The following RBPJ variants were observed in gnomAD, a reference collection of about 807,000 sequenced individuals.
The protein encoded by RBPJ is recombining binding protein suppressor of hairless.
In RBPJ, 9 loss-of-function variants were observed where a neutral mutation model predicts 67.8. The observed-to-expected ratio is 0.13, with a 90% CI of 0.08 to 0.23. RBPJ has a LOEUF of 0.23. Ranked by LOEUF, RBPJ falls within the 10% of genes least tolerant of loss-of-function variation. The pLI, the probability that RBPJ is intolerant of heterozygous loss-of-function variation, is 1.00. For missense variants in RBPJ, 305 were observed against 595.6 expected, an observed-to-expected ratio of 0.51 and a Z score of 5.08; for synonymous variants, 198 against 203.3, an observed-to-expected ratio of 0.97 and a Z score of 0.22.
chr4:26,236,559 C>G (rs934557581), intron 1 of RBPJ, among the ~76,000 whole-genome samples: 2 of 152,188 alleles, frequency 1.3e-5, no homozygotes, highest in Non-Finnish European at 2.9e-5. Flanking sequence ...CACATGGGCT[C>G]TCCACAGTAC....
chr4:26,319,788 C>G (rs1329791393), upstream of RBPJ: 17 of 1,316,240 alleles, frequency 1.3e-5, no homozygotes, highest in Non-Finnish European at 1.8e-5. Flanking sequence ...GCGGCGAATT[C>G]CAGTTCTCCG....
At chr4:26,270,436 A>AGAAAGAAAGAAAGAAAGAAAGAAG (rs1553855388) in intron 1 of RBPJ, among the ~76,000 whole-genome samples, 1 of 48,240 alleles carries the variant, frequency 2.1e-5, no homozygotes, top group Non-Finnish European at 5.6e-5. Flanking sequence ...AAAGAAAGAA[A>AGAAAGAAAGAAAGAAAGAAAGAAG]GAAGAAAGAA....
At chr4:26,179,294 G>GT (rs199696197) in intron 1 of RBPJ, among the ~76,000 whole-genome samples, 1,763 of 136,910 alleles carry the variant, frequency 0.013, 14 homozygotes, top group African/African-American at 0.038. Flanking sequence ...TGATTACTGT[G>GT]TTTTTTTTTT....
At chr4:26,196,553 T>C (rs1028042170) in intron 1 of RBPJ, among the ~76,000 whole-genome samples, 10 of 152,218 alleles carry the variant, frequency 6.6e-5, no homozygotes, top group African/African-American at 2.4e-4. Flanking sequence ...ATGAATTGCT[T>C]ACTGTTATCT....
At chr4:26,121,548 C>T in the RBPJ span, among the ~76,000 whole-genome samples, 17 of 152,188 alleles carry the variant, frequency 1.1e-4, no homozygotes, top group Non-Finnish European at 5.9e-5. Flanking sequence ...CTCCTATTTC[C>T]ACCCTTTGTC....
chr4:26,316,595 A>AATATATATATACACATTG (rs1722642618), upstream of RBPJ, among the ~76,000 whole-genome samples: 7 of 121,480 alleles, frequency 5.8e-5, no homozygotes, highest in African/African-American at 2.5e-4. Context: ...TCATATATAT[A>AATATATATATACACATTG]ATATATATAT....
At chr4:26,382,961 A>G (rs1730474990) in intron 1 of RBPJ, among the ~76,000 whole-genome samples, 1 of 152,218 alleles carries the variant, frequency 6.6e-6, no homozygotes, top group African/African-American at 2.4e-5. Flanking sequence ...ATAAATAGGA[A>G]TGTGATTGCA....
At position 26,197,669 on chromosome 4, in the gene RBPJ, C is replaced by T. The variant is rs112681716; in HGVS notation, c.-167+34055C>T. ...AAGCGGCAAGAGAGAAACTACCTGCCGCAGAAATTGCAGCCAGCTTTTGGA... is the reference window on the plus strand; with the variant it reads ...AAGCGGCAAGAGAGAAACTACCTGCTGCAGAAATTGCAGCCAGCTTTTGGA... On this transcript the variant is annotated intron_variant, in intron 1 of 4. Coordinates refer to the RBPJ transcript ENST00000512351. 3.1e-4 allele frequency among the ~76,000 whole-genome samples: 47 copies of T among 152,254 alleles called. 1 individual carries two copies. The highest frequency in any genetic ancestry group is 5.0e-4 in the Non-Finnish European group (34 of 68,022).
chr4:26,313,563 A>G (rs538190751), intron 1 of RBPJ, among the ~76,000 whole-genome samples: 1 of 152,132 alleles, frequency 6.6e-6, no homozygotes, highest in Admixed American at 6.6e-5. Flanking sequence ...CCAGCTACTC[A>G]GGAGGCTGAG....
At chr4:26,385,808 A>T (rs187534206) in intron 1 of RBPJ, among the ~76,000 whole-genome samples, 2,723 of 135,390 alleles carry the variant, frequency 0.02, 91 homozygotes, top group African/African-American at 0.07. Context: ...TTATTTTTTT[A>T]TTTTATTTTT....
At chr4:26,397,417 T>C (rs1398532363) in intron 2 of RBPJ, among the ~76,000 whole-genome samples, 1 of 152,140 alleles carries the variant, frequency 6.6e-6, no homozygotes, top group Non-Finnish European at 1.5e-5. Flanking sequence ...TGAGGAAGAA[T>C]TTTATAAAAA....
At chr4:26,157,095 A>AAAC in the RBPJ span, among the ~76,000 whole-genome samples, 1 of 23,484 alleles carries the variant, frequency 4.3e-5, no homozygotes, top group African/African-American at 1.1e-4. Flanking sequence ...ACAAACAAAC[A>AAAC]AACAAAAACA....
At chr4:26,163,928 C>T (rs1264515887) in intron 1 of RBPJ, among the ~76,000 whole-genome samples, 1 of 152,242 alleles carries the variant, frequency 6.6e-6, no homozygotes, top group Non-Finnish European at 1.5e-5. Context: ...TTCTTAGGAC[C>T]TTTCATGTCT....
chr4:26,385,865 C>T (rs900811596), intron 1 of RBPJ, among the ~76,000 whole-genome samples: 2 of 151,536 alleles, frequency 1.3e-5, no homozygotes, highest in East Asian at 1.9e-4. Flanking sequence ...TGCAGTGGCA[C>T]GATCATGACT....
Position 26,171,659 on chromosome 4 carries a change from T to G in RBPJ, c.-167+8045T>G, listed in dbSNP as rs1208306973. Among the ~76,000 whole-genome samples the G allele has an allele frequency of 2.0e-5, 3 of 152,234 alleles. No homozygotes were observed. In the East Asian group the frequency reaches 5.8e-4, roughly 29 times the overall value. On this transcript the variant is annotated intron_variant, in intron 1 of 4. Transcript: ENST00000512351. ...CAGGCTTACGATAGTCACAAAGGACTGTCCACTCCTGGGTGACATCAGAAA... is the reference window on the plus strand; with the variant it reads ...CAGGCTTACGATAGTCACAAAGGACGGTCCACTCCTGGGTGACATCAGAAA...
intron 1 of RBPJ, among the ~76,000 whole-genome samples, chr4:26,336,064 A>G (rs2109373069): frequency 6.6e-6 from 1 of 152,232 alleles, no homozygotes; most frequent in East Asian, 1.9e-4. Context: ...TGGCTCTTTT[A>G]TGTGGGAAGA....
intron 1 of RBPJ, among the ~76,000 whole-genome samples, chr4:26,303,740 T>A (rs1483159224): frequency 6.6e-6 from 1 of 152,164 alleles, no homozygotes; most frequent in Non-Finnish European, 1.5e-5. Flanking sequence ...GCCCAGGAGT[T>A]GGAGACCAGC....
the RBPJ span, among the ~76,000 whole-genome samples, chr4:26,151,637 A>G: frequency 2.0e-4 from 31 of 152,306 alleles, no homozygotes; most frequent in East Asian, 2.5e-3. Flanking sequence ...CAGAGCTGCA[A>G]AGGAGTTTGT....
the RBPJ span, among the ~76,000 whole-genome samples, chr4:26,120,421 C>A: frequency 6.6e-6 from 1 of 152,156 alleles, no homozygotes; most frequent in Non-Finnish European, 1.5e-5. Flanking sequence ...CTATAGAACA[C>A]CCATACCTGA....
Sources: gnomAD v4.1 joint callset for allele counts (sites outside exome capture counted in the v4.1 genomes callset) on GRCh38, gnomAD v4.1.1 for gene constraint, MANE v1.5 for transcripts, NCBI Gene and HGNC (gene_info 2026-07-23, HGNC 2026-07-21) for gene names.